Variants in NEXMIF observed in about 807,000 individuals in gnomAD.
NEXMIF encodes the protein XLMR protein related to neurite extension.
In NEXMIF, 8 loss-of-function variants were observed where a neutral mutation model predicts 62.1. The ratio of observed to expected loss-of-function variants is 0.13; its 90% CI spans 0.08 to 0.23. The LOEUF is 0.23. Ranked by LOEUF, NEXMIF falls within the 10% of genes least tolerant of loss-of-function variation. The pLI is 1.00. For synonymous variants in NEXMIF, 404 were observed against 416.6 expected (o/e 0.97, Z 0.37); for missense variants, 976 against 1,113.3 (o/e 0.88, Z 1.75).
rs1490996277 is a variant in NEXMIF, at chrX:74,793,012, G to C, written c.-47-47315C>G. On this transcript the variant is annotated intron_variant, in intron 1 of 3. Transcript: ENST00000055682. ...TATTGTTATGTGTGAATTTGATCCTGTCATTATGATGTTAGCTGGTTATTT... is the reference window on the plus strand; with the variant it reads ...TATTGTTATGTGTGAATTTGATCCTCTCATTATGATGTTAGCTGGTTATTT... Among the ~76,000 whole-genome samples, 4 of 108,821 alleles carry C rather than the reference G, an allele frequency of 3.7e-5. No homozygotes were observed. In the South Asian group the frequency reaches 1.6e-3, roughly 44 times the overall value. The allele number at this position is 108,821 out of a possible 115,157, so 94.5% of individuals were successfully genotyped here. A position where few individuals can be genotyped will look rare whatever the true frequency, so the allele number is the denominator to read the frequency against.
chrX:74,839,211 A>C, intron 1 of NEXMIF, among the ~76,000 whole-genome samples: 1 of 111,753 alleles, frequency 8.9e-6, no homozygotes. Context: ...GTAGGTGGAA[A>C]AAGGGTGGGA....
intron 1 of NEXMIF, among the ~76,000 whole-genome samples, chrX:74,919,400 CA>C (rs1212049602): frequency 9.0e-6 from 1 of 111,155 alleles, no homozygotes. Context: ...TCAAGTTTTG[CA>C]AATATAATCA....
chrX:74,851,401 A>T (rs982901795), intron 1 of NEXMIF, among the ~76,000 whole-genome samples: 3 of 111,323 alleles, frequency 2.7e-5, no homozygotes, highest in Non-Finnish European at 5.7e-5. Flanking sequence ...TATCGTCTAA[A>T]AAGGTCTTAT....
chrX:74,784,008 C>G, intron 1 of NEXMIF, among the ~76,000 whole-genome samples: 1 of 111,321 alleles, frequency 9.0e-6, no homozygotes, highest in Non-Finnish European at 1.9e-5. Context: ...TTTCCGTCAT[C>G]CTTAGAGGGC....
intron 1 of NEXMIF, among the ~76,000 whole-genome samples, chrX:74,824,609 C>A (rs1373265145): frequency 9.0e-6 from 1 of 110,817 alleles, no homozygotes; most frequent in Non-Finnish European, 1.9e-5. Flanking sequence ...TGGGTAAATA[C>A]CCAGAAGTGG....
chrX:74,820,330 TATAATA>T lies in NEXMIF; in HGVS notation c.-47-74639_-47-74634del, dbSNP rs759039271. 5.5e-5 allele frequency among the ~76,000 whole-genome samples: 6 copies of T among 108,301 alleles called. No homozygotes were observed. The South Asian group carries it at 1.6e-3, about 29-fold the overall frequency. 94.0% of individuals were successfully genotyped at this position (108,301 alleles called of 115,157 possible). A position where few individuals can be genotyped will look rare whatever the true frequency, so the allele number is the denominator to read the frequency against. Reference sequence around the variant, plus strand: ...TGCACATGTACCCTAGAACTTAAAGTATAATAATAATAATAATAATAATAACCTATG... The same window carrying T: ...TGCACATGTACCCTAGAACTTAAAGTATAATAATAATAATAATAACCTATG... On this transcript the variant is annotated intron_variant, in intron 1 of 3. Coordinates refer to ENST00000055682, the MANE Select transcript of NEXMIF (RefSeq NM_001008537.3).
rs200638414 is a variant in NEXMIF, at chrX:74,738,849, C to CATAT, written c.*552_*555dup. ...GTGTGTGTGTGTATATATATATATACATATATATACACACACACACACACA... is the reference window on the plus strand; with the variant it reads ...GTGTGTGTGTGTATATATATATATACATATATATATATACACACACACACACACA... On this transcript the variant is annotated 3_prime_UTR_variant, in exon 4 of 4. Transcript: ENST00000055682. 9.5e-6 allele frequency: 1 copy of CATAT among 105,162 alleles called. No homozygotes were observed. Among genetic ancestry groups the CATAT allele is most frequent in the Admixed American group, 1.0e-4 (1 of 9,651 alleles). The allele number at this position is 105,162 out of a possible 1,213,427, so 8.7% of individuals were successfully genotyped here. A position where few individuals can be genotyped will look rare whatever the true frequency, so the allele number is the denominator to read the frequency against.
intron 1 of NEXMIF, among the ~76,000 whole-genome samples, chrX:74,805,111 A>T (rs766490839): frequency 8.9e-6 from 1 of 112,407 alleles, no homozygotes; most frequent in East Asian, 2.8e-4. Flanking sequence ...GGCTGCTGCC[A>T]GGACATAGAG....
intron 1 of NEXMIF, among the ~76,000 whole-genome samples, chrX:74,891,210 C>T (rs995149957): frequency 3.6e-5 from 4 of 111,545 alleles, no homozygotes; most frequent in African/African-American, 1.3e-4. Flanking sequence ...CACACACATA[C>T]ATATGCACAC....
intron 1 of NEXMIF, among the ~76,000 whole-genome samples, chrX:74,822,576 CAA>C (rs984249596): frequency 4.5e-5 from 5 of 111,645 alleles, no homozygotes; most frequent in Admixed American, 9.5e-5. Context: ...TAAAAATGGG[CAA>C]AGAGTCTGAA....
chrX:74,839,160 A>G (rs2080466383), intron 1 of NEXMIF, among the ~76,000 whole-genome samples: 1 of 111,826 alleles, frequency 8.9e-6, no homozygotes, highest in Non-Finnish European at 1.9e-5. Flanking sequence ...TCTGCCTTCC[A>G]TTGTTCCTTT....
At chrX:74,914,675 C>T (rs967965575) in intron 1 of NEXMIF, among the ~76,000 whole-genome samples, 4 of 111,252 alleles carry the variant, frequency 3.6e-5, no homozygotes, top group South Asian at 3.8e-4. Context: ...AGAAAGTCTC[C>T]GCCCCACTCA....
chrX:74,789,390 T>C (rs1376833614), intron 1 of NEXMIF, among the ~76,000 whole-genome samples: 5 of 107,193 alleles, frequency 4.7e-5, no homozygotes, highest in Non-Finnish European at 9.6e-5. Flanking sequence ...GACATTTGGG[T>C]TGGTTCCAAG....
intron 1 of NEXMIF, among the ~76,000 whole-genome samples, chrX:74,754,472 C>A (rs2080153835): frequency 9.3e-6 from 1 of 107,654 alleles, no homozygotes; most frequent in Non-Finnish European, 1.9e-5. Flanking sequence ...CCACGCCTGG[C>A]TAATTTTTGT....
At chrX:74,801,538 G>T (rs1391383145) in intron 1 of NEXMIF, among the ~76,000 whole-genome samples, 2 of 111,701 alleles carry the variant, frequency 1.8e-5, no homozygotes, top group Non-Finnish European at 3.8e-5. Flanking sequence ...TTCATCAGCT[G>T]CTAACTGAAG....
At chrX:74,851,227 A>G (rs897318084) in intron 1 of NEXMIF, among the ~76,000 whole-genome samples, 1 of 111,375 alleles carries the variant, frequency 9.0e-6, no homozygotes, top group Non-Finnish European at 1.9e-5. Context: ...GACATAAAGG[A>G]GACCACAAAT....
chrX:74,746,808 C>A (rs1368087991), intron 1 of NEXMIF, among the ~76,000 whole-genome samples: 1 of 112,588 alleles, frequency 8.9e-6, no homozygotes, highest in Non-Finnish European at 1.9e-5. Context: ...CTCTGGGTTT[C>A]CCCTAACACT....
rs753268865 is a variant in NEXMIF, at chrX:74,741,738, C to T, written c.2819G>A (p.Ser940Asn). 2 of 1,211,342 alleles carry T rather than the reference C, an allele frequency of 1.7e-6. No homozygotes were observed. Among genetic ancestry groups the T allele is most frequent in the East Asian group, 3.0e-5 (1 of 33,842 alleles). The change falls in exon 3 of 4, where the codon AGT becomes AAT. Residue 940 changes from serine (S) to asparagine (N), a missense_variant. This residue lies in a region of NEXMIF where 639 missense variants were observed against 694.5 expected (regional missense o/e 0.92). Transcript: ENST00000055682. ...GACCTTGTTGCAATTACTGCCACCACTATTGAGACAGATTGGATTGTATGT... is the reference window on the plus strand; with the variant it reads ...GACCTTGTTGCAATTACTGCCACCATTATTGAGACAGATTGGATTGTATGT... ...PTTYNPICLN[S>N]GGSNCNKVLY... is the part of the protein sequence containing the mutation.
At chrX:74,862,192 A>G (rs1018134808) in intron 1 of NEXMIF, among the ~76,000 whole-genome samples, 2 of 111,540 alleles carry the variant, frequency 1.8e-5, no homozygotes, top group African/African-American at 6.5e-5. Flanking sequence ...TGACAATCCT[A>G]GTTTCTGACA....
Sources: allele counts gnomAD v4.1 joint callset (sites outside exome capture counted in the v4.1 genomes callset), GRCh38; gene constraint gnomAD v4.1.1; regional missense constraint gnomAD v4.1.1; transcripts MANE v1.5; gene names NCBI Gene and HGNC (gene_info 2026-07-23, HGNC 2026-07-21).